AGAP1: variants seen among roughly 807,000 people sequenced by gnomAD.
The protein encoded by AGAP1 is ArfGAP with GTPase domain, ankyrin repeat and PH domain 1, also known as arf-GAP with GTPase, ANK repeat and PH domain-containing protein 1.
AGAP1 carries 29 observed loss-of-function variants against 105.3 expected under a neutral mutation model. The ratio of observed to expected loss-of-function variants is 0.28; its 90% CI spans 0.21 to 0.38. The LOEUF is 0.38. Among genes scored for constraint, AGAP1 ranks in the 10% least tolerant of loss-of-function variants. The pLI is 1.00. For missense variants in AGAP1, 998 were observed against 1,165.1 expected (o/e 0.86, Z 2.09); for synonymous variants, 509 against 485.9 (o/e 1.05, Z -0.63).
chr2:235,499,124 G>A (rs1941451341), intron 1 of AGAP1, among the ~76,000 whole-genome samples: 2 of 152,302 alleles, frequency 1.3e-5, no homozygotes, highest in South Asian at 4.1e-4. Flanking sequence ...TTGTGCGAGA[G>A]CGGTGAGCTG....
At chr2:235,652,311 C>T (rs1259794043) in intron 1 of AGAP1, among the ~76,000 whole-genome samples, 1 of 152,086 alleles carries the variant, frequency 6.6e-6, no homozygotes, top group East Asian at 1.9e-4. Flanking sequence ...ACTTTCCAGC[C>T]TTCAGCCACG....
chr2:235,806,600 T>C (rs1957847280), intron 8 of AGAP1, among the ~76,000 whole-genome samples: 1 of 152,248 alleles, frequency 6.6e-6, no homozygotes, highest in South Asian at 2.1e-4. Context: ...CAAATAAAGC[T>C]GTTCATTATT....
At chr2:235,598,415 A>G (rs1945613918) in intron 1 of AGAP1, among the ~76,000 whole-genome samples, 1 of 152,188 alleles carries the variant, frequency 6.6e-6, no homozygotes, top group African/African-American at 2.4e-5. Context: ...AAGTTTGGTG[A>G]TGTTTTTGTG....
chr2:236,021,332 G>T (rs2056877594), intron 13 of AGAP1, among the ~76,000 whole-genome samples: 1 of 152,128 alleles, frequency 6.6e-6, no homozygotes, highest in South Asian at 2.1e-4. Context: ...GCGCTGAGCA[G>T]CACCTAGGAG....
intron 1 of AGAP1, among the ~76,000 whole-genome samples, chr2:235,540,679 C>T (rs1943407367): frequency 6.6e-6 from 1 of 152,094 alleles, no homozygotes; most frequent in Non-Finnish European, 1.5e-5. Context: ...TGAGCAAATC[C>T]TTGTAGAATT....
chr2:235,503,032 T>A (rs1574699858), intron 1 of AGAP1, among the ~76,000 whole-genome samples: 2 of 152,294 alleles, frequency 1.3e-5, no homozygotes, highest in South Asian at 4.1e-4. Context: ...TTTTAAAAAA[T>A]TTATGAACAC....
chr2:235,832,448 T>C (rs1221068975), intron 9 of AGAP1, among the ~76,000 whole-genome samples: 4 of 152,220 alleles, frequency 2.6e-5, no homozygotes, highest in African/African-American at 7.2e-5. Flanking sequence ...ACCTTCTGAG[T>C]GAGCACATCC....
chr2:235,903,178 T>C (rs968904483), intron 10 of AGAP1, among the ~76,000 whole-genome samples: 4 of 152,188 alleles, frequency 2.6e-5, no homozygotes, highest in Non-Finnish European at 4.4e-5. Context: ...CATGTACAGT[T>C]ATAAACTAGA....
Position 236,095,288 on chromosome 2 carries a change from T to A in AGAP1, c.2115-24904T>A, listed in dbSNP as rs1289685118. ...TGCATGCACCTGTGGTCCCAGCTAC[T>A]CGGGAGGCTGAGGTGGGAGGATCAC... On this transcript the variant is annotated intron_variant, in intron 16 of 17. Coordinates refer to ENST00000304032, the MANE Select transcript of AGAP1 (RefSeq NM_001037131.3). This position sits in a 1 kb window ranked among gnomAD's most constrained non-coding sequence, Gnocchi z 4.1. Among the ~76,000 whole-genome samples the A allele has an allele frequency of 6.6e-6, 1 of 151,988 alleles. No homozygotes were observed. The highest frequency in any genetic ancestry group is 1.5e-5 in the Non-Finnish European group (1 of 68,016).
At chr2:236,013,740 C>T (rs375302621) in intron 13 of AGAP1, among the ~76,000 whole-genome samples, 10 of 152,198 alleles carry the variant, frequency 6.6e-5, no homozygotes, top group East Asian at 3.9e-4. Flanking sequence ...TGACAGTGAC[C>T]GCCACTAAAC....
At chr2:235,538,460 T>TGTGC (rs1553561884) in intron 1 of AGAP1, among the ~76,000 whole-genome samples, 4 of 150,446 alleles carry the variant, frequency 2.7e-5, no homozygotes, top group African/African-American at 1.0e-4. Context: ...TGTGTGTGTG[T>TGTGC]GCATGCTTGT....
intron 3 of AGAP1, among the ~76,000 whole-genome samples, chr2:235,722,962 G>T (rs183898869): frequency 6.6e-6 from 1 of 152,088 alleles, no homozygotes. Context: ...GCGTTGGGCC[G>T]CATCCAAAGC....
Position 235,930,379 on chromosome 2 carries a change from T to C in AGAP1, c.1325-386T>C, listed in dbSNP as rs893045135. On this transcript the variant is annotated intron_variant, in intron 11 of 17. Transcript: ENST00000304032. The surrounding 1 kb of genome is among the most constrained non-coding windows in gnomAD (Gnocchi z 7.9). ...TTTCTGTTCCATTGGTAGGGTGACA[T>C]GGCCGGGCTCCTGGAGCCCCCATCT... 6.6e-6 allele frequency among the ~76,000 whole-genome samples: 1 copy of C among 152,216 alleles called. No individual in the cohort carries two copies. Among genetic ancestry groups the C allele is most frequent in the African/African-American group, 2.4e-5 (1 of 41,446 alleles).
rs1455988412 is a variant in AGAP1, at chr2:235,912,453, T to G, written c.1324+3547T>G. Among the ~76,000 whole-genome samples, 8 of 152,332 alleles carry G rather than the reference T, an allele frequency of 5.3e-5. No homozygotes were observed. In the East Asian group the frequency reaches 1.4e-3, roughly 26 times the overall value. ...CCTTATTCTTCACTCTTGACTCATT[T>G]GTTTTGTCTCAGTTCTGGGTGAACT... On this transcript the variant is annotated intron_variant, in intron 11 of 17. Coordinates refer to ENST00000304032, the MANE Select transcript of AGAP1 (RefSeq NM_001037131.3).
At position 236,045,729 on chromosome 2, in the gene AGAP1, G is replaced by A. The variant is rs1448588626; in HGVS notation, c.1892-3330G>A. Among the ~76,000 whole-genome samples the A allele has an allele frequency of 6.6e-6, 1 of 152,232 alleles. No individual in the cohort carries two copies. The highest frequency in any genetic ancestry group is 1.5e-5 in the Non-Finnish European group (1 of 68,046). On this transcript the variant is annotated intron_variant, in intron 15 of 17. Coordinates refer to ENST00000304032, the MANE Select transcript of AGAP1 (RefSeq NM_001037131.3). The surrounding 1 kb of genome is among the most constrained non-coding windows in gnomAD (Gnocchi z 6.9). ...TTCTCCACCCAGGCCGAGACACAGCGAAGTGTCCCAGTTGGGCCTTAAGGC... is the reference window on the plus strand; with the variant it reads ...TTCTCCACCCAGGCCGAGACACAGCAAAGTGTCCCAGTTGGGCCTTAAGGC...
At chr2:235,826,232 A>G (rs377210495) in intron 9 of AGAP1, among the ~76,000 whole-genome samples, 3 of 152,262 alleles carry the variant, frequency 2.0e-5, no homozygotes, top group East Asian at 3.9e-4. Flanking sequence ...GTTACCCCCA[A>G]ATAGGGTGAC....
intron 6 of AGAP1, among the ~76,000 whole-genome samples, chr2:235,768,982 C>T (rs777674299): frequency 6.6e-6 from 1 of 152,180 alleles, no homozygotes; most frequent in African/African-American, 2.4e-5. Flanking sequence ...CAGACCTTAG[C>T]AAATATTCCA....
chr2:235,629,347 C>T (rs978266053), intron 1 of AGAP1, among the ~76,000 whole-genome samples: 3 of 148,772 alleles, frequency 2.0e-5, no homozygotes, highest in Non-Finnish European at 4.4e-5. Context: ...TTTCTTTATC[C>T]ACTTGTTGAT....
At chr2:236,008,874 C>T (rs183439155) in intron 13 of AGAP1, among the ~76,000 whole-genome samples, 1 of 152,310 alleles carries the variant, frequency 6.6e-6, no homozygotes, top group East Asian at 1.9e-4. Flanking sequence ...ACTTTTATTT[C>T]ATGAGTTTTA....
Sources: allele counts gnomAD v4.1 joint callset (sites outside exome capture counted in the v4.1 genomes callset), GRCh38; gene constraint gnomAD v4.1.1; non-coding constraint Gnocchi (gnomAD v3.1); transcripts MANE v1.5; gene names NCBI Gene and HGNC (gene_info 2026-07-23, HGNC 2026-07-21).